TUSC3: variants seen among roughly 807,000 people sequenced by gnomAD.
TUSC3 encodes the protein tumor suppressor candidate 3.
A neutral mutation model predicts 44.8 loss-of-function variants in TUSC3; 45 were observed. The ratio of observed to expected loss-of-function variants is 1.00; its 90% CI spans 0.79 to 1.29. TUSC3 has a LOEUF of 1.29. TUSC3 is among the 50% of genes most tolerant of loss of function. The pLI, the probability that TUSC3 is intolerant of heterozygous loss-of-function variation, is 0.00. For synonymous variants in TUSC3, 212 were observed against 152.9 expected, an observed-to-expected ratio of 1.39 and a Z score of -2.85; for missense variants, 519 against 437.9, an observed-to-expected ratio of 1.19 and a Z score of -1.65.
intron 6 of TUSC3, among the ~76,000 whole-genome samples, chr8:15,696,080 C>T (rs1289530473): frequency 6.6e-6 from 1 of 152,172 alleles, no homozygotes; most frequent in Non-Finnish European, 1.5e-5. Context: ...GAATGTTAAT[C>T]CCCAAGACAA....
chr8:15,787,625 A>G, the TUSC3 span, among the ~76,000 whole-genome samples: 1,099 of 152,334 alleles, frequency 7.2e-3, 12 homozygotes, highest in African/African-American at 0.025. Context: ...ATATGGTTCC[A>G]AAAGATGAGA....
intron 2 of TUSC3, among the ~76,000 whole-genome samples, chr8:15,631,343 G>T (rs1805754868): frequency 6.6e-6 from 1 of 152,078 alleles, no homozygotes; most frequent in Non-Finnish European, 1.5e-5. Context: ...ACTGTTTACA[G>T]CAAACGTTCA....
rs76915852 is a variant in TUSC3, at chr8:15,746,638, A to T, written c.938-1737A>T. 4.4e-3 allele frequency among the ~76,000 whole-genome samples: 668 copies of T among 152,148 alleles called. 7 individuals are homozygous for T. Among genetic ancestry groups the T allele is most frequent in the African/African-American group, 0.015 (633 of 41,532 alleles). ...GGATCAAGTAATTATCTTCTGTCTT[A>T]CTTGATCACACATTTCAAGCCTCAT... is the stretch of plus-strand genomic sequence containing the variant. On this transcript the variant is annotated intron_variant, in intron 8 of 10. Transcript: ENST00000503731.
the TUSC3 span, among the ~76,000 whole-genome samples, chr8:15,851,537 G>C: frequency 6.6e-6 from 1 of 152,176 alleles, no homozygotes; most frequent in Non-Finnish European, 1.5e-5. Flanking sequence ...AAGAAACTCT[G>C]ATTAGAGAGG....
chr8:15,752,547 G>T (rs754441594), intron 9 of TUSC3, among the ~76,000 whole-genome samples: 1 of 152,022 alleles, frequency 6.6e-6, no homozygotes, highest in Non-Finnish European at 1.5e-5. Flanking sequence ...ATTTTTTCCA[G>T]AACATCATAG....
At chr8:15,654,042 C>T (rs762413060) in intron 3 of TUSC3, among the ~76,000 whole-genome samples, 7 of 152,132 alleles carry the variant, frequency 4.6e-5, no homozygotes, top group Non-Finnish European at 7.4e-5. Context: ...ATCCAGGAAA[C>T]AGGTCTATGT....
chr8:15,487,805 G>A (rs528726410), intron 2 of TUSC3, among the ~76,000 whole-genome samples: 1 of 151,554 alleles, frequency 6.6e-6, no homozygotes, highest in South Asian at 2.1e-4. Context: ...CACTTCATTT[G>A]ACATCGTTGT....
At chr8:15,834,848 A>C in the TUSC3 span, among the ~76,000 whole-genome samples, 1,883 of 152,290 alleles carry the variant, frequency 0.012, 18 homozygotes, top group Middle Eastern at 0.02. Context: ...AGGTTTATTT[A>C]TAAGCAGATT....
downstream of TUSC3, among the ~76,000 whole-genome samples, chr8:15,770,097 T>A (rs946155880): frequency 3.3e-5 from 5 of 152,088 alleles, no homozygotes; most frequent in African/African-American, 4.8e-5. Context: ...CAATCTACTT[T>A]AGATACATGC....
chr8:15,797,714 T>A, the TUSC3 span, among the ~76,000 whole-genome samples: 1 of 152,176 alleles, frequency 6.6e-6, no homozygotes, highest in Admixed American at 6.5e-5. Flanking sequence ...ACCACATGAA[T>A]GAGAACTATT....
At chr8:15,693,673 G>C (rs968241518) in intron 6 of TUSC3, among the ~76,000 whole-genome samples, 1 of 151,662 alleles carries the variant, frequency 6.6e-6, no homozygotes, top group South Asian at 2.1e-4. Flanking sequence ...TGCATTTCCT[G>C]ACTCTGAATG....
Position 15,764,333 on chromosome 8 carries a change from C to T in TUSC3, c.*177C>T. 8.6e-7 allele frequency: 1 copy of T among 1,159,902 alleles called. No homozygotes were observed. Among genetic ancestry groups the T allele is most frequent in the South Asian group, 1.4e-5 (1 of 70,872 alleles). 71.9% of individuals were successfully genotyped at this position (1,159,902 alleles called of 1,614,324 possible). On this transcript the variant is annotated 3_prime_UTR_variant, in exon 11 of 11. Transcript: ENST00000503731. The stretch of plus-strand genomic sequence containing the variant: ...TGATCAGCTAGCTTATTCTTGTGTA[C>T]TTTTTTTAAACTGTGGGTTTTCCTA...
chr8:15,727,087 C>T (rs1321391184), intron 6 of TUSC3, among the ~76,000 whole-genome samples: 1 of 152,100 alleles, frequency 6.6e-6, no homozygotes, highest in African/African-American at 2.4e-5. Context: ...GAACATCATG[C>T]TTTAGCTTTC....
At chr8:15,836,168 A>G in the TUSC3 span, among the ~76,000 whole-genome samples, 1 of 151,704 alleles carries the variant, frequency 6.6e-6, no homozygotes, top group African/African-American at 2.4e-5. Flanking sequence ...TCAAAATGGT[A>G]TAATCACAAA....
chr8:15,837,598 CCCTT>C, the TUSC3 span, among the ~76,000 whole-genome samples: 1 of 151,828 alleles, frequency 6.6e-6, no homozygotes, highest in Non-Finnish European at 1.5e-5. Flanking sequence ...GTGATTTTTC[CCCTT>C]CCATTTTCTG....
chr8:15,669,921 T>G (rs2129182335), intron 5 of TUSC3, among the ~76,000 whole-genome samples: 1 of 151,690 alleles, frequency 6.6e-6, no homozygotes, highest in South Asian at 2.1e-4. Flanking sequence ...AAAAAAAAAT[T>G]AGACCTAATT....
At chr8:15,471,462 A>G (rs1159611322) in intron 1 of TUSC3, among the ~76,000 whole-genome samples, 2 of 152,208 alleles carry the variant, frequency 1.3e-5, no homozygotes, top group Admixed American at 6.5e-5. Flanking sequence ...TGGAAGAAGT[A>G]AATATCTTAA....
chr8:15,471,743 A>T (rs1800496972), intron 1 of TUSC3, among the ~76,000 whole-genome samples: 1 of 151,412 alleles, frequency 6.6e-6, no homozygotes, highest in South Asian at 2.1e-4. Flanking sequence ...TCACCCTCCC[A>T]AGTAGCTGGG....
intron 1 of TUSC3, among the ~76,000 whole-genome samples, chr8:15,472,829 C>A (rs998126399): frequency 6.6e-6 from 1 of 152,180 alleles, no homozygotes; most frequent in Non-Finnish European, 1.5e-5. Context: ...ATGGCAAATG[C>A]TTTGTGGACA....
Sources: allele counts gnomAD v4.1 joint callset (sites outside exome capture counted in the v4.1 genomes callset), GRCh38; gene constraint gnomAD v4.1.1; transcripts MANE v1.5; gene names NCBI Gene and HGNC (gene_info 2026-07-23, HGNC 2026-07-21).